CNTN5: variants seen among roughly 807,000 people sequenced by gnomAD.
The protein encoded by CNTN5 is contactin-5.
Under a neutral mutation model 129.1 loss-of-function variants are expected in CNTN5, and 77 were observed. The ratio of observed to expected loss-of-function variants is 0.60; its 90% CI spans 0.50 to 0.72. The LOEUF (loss-of-function observed/expected upper bound fraction) is 0.72. Among genes scored for constraint, CNTN5 ranks in the 30% least tolerant of loss-of-function variants. The pLI is 0.00. For missense variants in CNTN5, 1,478 were observed against 1,328.8 expected (o/e 1.11, Z -1.75); for synonymous variants, 509 against 465.6 (o/e 1.09, Z -1.20).
Position 100,191,150 on chromosome 11 carries a change from T to A in CNTN5, c.1605T>A (p.Ser535Arg). The A allele has an allele frequency of 6.2e-7, 1 of 1,607,116 alleles. No homozygotes were observed. The highest frequency in any genetic ancestry group is 8.5e-7 in the Non-Finnish European group (1 of 1,176,288). The change falls in exon 14 of 25, where the codon AGT (serine) becomes AGA (arginine). Residue 535 changes from serine to arginine, a missense_variant. Physicochemically the swap from Ser to Arg is moderately radical, Grantham distance 110. Coordinates refer to ENST00000524871, the MANE Select transcript of CNTN5 (RefSeq NM_014361.4). ...GAATAGCTATTCTTCCAGACGGGAG[T>A]CTACGGATCCTAAATGCTTCCAAAT... ...NKRIAILPDG[S>R]LRILNASKSD...
At chr11:99,471,866 CTGTT>C (rs768737570) in intron 2 of CNTN5, among the ~76,000 whole-genome samples, 2 of 152,124 alleles carry the variant, frequency 1.3e-5, no homozygotes, top group African/African-American at 4.8e-5. Context: ...AATTATATCT[CTGTT>C]TGTCACAGTA....
chr11:100,121,905 C>T (rs924782287), intron 13 of CNTN5, among the ~76,000 whole-genome samples: 1 of 151,692 alleles, frequency 6.6e-6, no homozygotes, highest in African/African-American at 2.4e-5. Context: ...AAAAGATGAA[C>T]AGGGAAGGGG....
In CNTN5 at chr11:100,301,148, G is replaced by A. The variant is rs545188593; in HGVS notation, c.2620+1752G>A. Reference sequence around the variant, plus strand: ...AAAAGATCTATTTTGAAGTATATGTGTTATTCAGAAAGTACATATTCTTTT... The same window carrying A: ...AAAAGATCTATTTTGAAGTATATGTATTATTCAGAAAGTACATATTCTTTT... On this transcript the variant is annotated intron_variant, in intron 20 of 24. Coordinates refer to ENST00000524871, the MANE Select transcript of CNTN5 (RefSeq NM_014361.4). Among the ~76,000 whole-genome samples the A allele has an allele frequency of 2.0e-5, 3 of 151,688 alleles. No individual in the cohort carries two copies. In the East Asian group the frequency reaches 5.8e-4, roughly 29 times the overall value.
intron 2 of CNTN5, among the ~76,000 whole-genome samples, chr11:99,443,631 GA>G (rs1943933254): frequency 2.0e-5 from 3 of 152,116 alleles, no homozygotes; most frequent in Non-Finnish European, 4.4e-5. Context: ...TAGAGTATAC[GA>G]CTGCTTGTGC....
At chr11:99,896,254 G>T (rs1949202818) in intron 6 of CNTN5, among the ~76,000 whole-genome samples, 1 of 152,098 alleles carries the variant, frequency 6.6e-6, no homozygotes, top group Admixed American at 6.6e-5. Flanking sequence ...AACAGGGCTT[G>T]CTGCCTTTCG....
intron 13 of CNTN5, among the ~76,000 whole-genome samples, chr11:100,150,881 A>G (rs1565290245): frequency 6.6e-6 from 1 of 152,158 alleles, no homozygotes; most frequent in East Asian, 1.9e-4. Context: ...TCTTTGGGAG[A>G]CAATTAGGTT....
At chr11:99,908,427 T>A (rs10501932) in intron 6 of CNTN5, among the ~76,000 whole-genome samples, 146,064 of 152,034 alleles carry the variant, frequency 0.96, 70,341 homozygotes, top group Non-Finnish European at 0.99. Context: ...TCTGTGTATG[T>A]TGTATTTATC....
At chr11:99,294,069 A>T (rs1864283055) in intron 1 of CNTN5, among the ~76,000 whole-genome samples, 1 of 151,764 alleles carries the variant, frequency 6.6e-6, no homozygotes, top group Non-Finnish European at 1.5e-5. Flanking sequence ...TCTTCATAGT[A>T]CTGCTTTTGT....
At chr11:99,245,955 C>T (rs1861793003) in intron 1 of CNTN5, among the ~76,000 whole-genome samples, 1 of 152,110 alleles carries the variant, frequency 6.6e-6, no homozygotes, top group East Asian at 1.9e-4. Flanking sequence ...CCATTGAGAA[C>T]CCACTGATCT....
intron 9 of CNTN5, among the ~76,000 whole-genome samples, chr11:100,029,415 T>A (rs1373883702): frequency 2.0e-5 from 3 of 151,786 alleles, no homozygotes; most frequent in Non-Finnish European, 4.4e-5. Context: ...ACCCCATCTC[T>A]ACTAAAAATA....
At chr11:100,307,524 A>G (rs1951379382) in intron 20 of CNTN5, among the ~76,000 whole-genome samples, 1 of 151,720 alleles carries the variant, frequency 6.6e-6, no homozygotes, top group African/African-American at 2.4e-5. Flanking sequence ...TTCAAAAAAA[A>G]AAAATAGTGT....
At chr11:99,349,491 G>A (rs999173665) in intron 2 of CNTN5, among the ~76,000 whole-genome samples, 10 of 152,012 alleles carry the variant, frequency 6.6e-5, no homozygotes, top group South Asian at 2.1e-4. Flanking sequence ...TAGTCCTTAC[G>A]TTCCCATTGC....
In CNTN5 at chr11:99,190,399, T is replaced by A. The variant is rs530494155; in HGVS notation, c.-209-134947T>A. 3.3e-5 allele frequency among the ~76,000 whole-genome samples: 5 copies of A among 151,828 alleles called. No homozygotes were observed. The South Asian group carries it at 1.0e-3, about 32-fold the overall frequency. ...CTATTTAGGGTCTTTTGTAGTTCTA[T>A]ACAAACTGTAAGATTTTTTTCTATT... On this transcript the variant is annotated intron_variant, in intron 1 of 24. Coordinates refer to ENST00000524871, the MANE Select transcript of CNTN5 (RefSeq NM_014361.4).
At chr11:99,366,371 A>T (rs1223255281) in intron 2 of CNTN5, among the ~76,000 whole-genome samples, 1 of 152,180 alleles carries the variant, frequency 6.6e-6, no homozygotes. Flanking sequence ...GAAATGCTTT[A>T]TTTTAATGTT....
intron 6 of CNTN5, among the ~76,000 whole-genome samples, chr11:99,862,361 C>T (rs1250958567): frequency 4.0e-5 from 1 of 24,916 alleles, no homozygotes; most frequent in African/African-American, 8.5e-5. Context: ...TCGCTTATAA[C>T]AGATGTTTTT....
At chr11:99,608,660 C>A (rs928766785) in intron 3 of CNTN5, among the ~76,000 whole-genome samples, 7 of 152,162 alleles carry the variant, frequency 4.6e-5, no homozygotes, top group Non-Finnish European at 8.8e-5. Context: ...AGATTTTATC[C>A]TCAGAGCCTC....
rs565812263 is a variant in CNTN5, at chr11:99,488,306, G to A, written c.-70-67839G>A. Among the ~76,000 whole-genome samples, 7 of 151,930 alleles carry A rather than the reference G, an allele frequency of 4.6e-5. No homozygotes were observed. In the East Asian group the frequency reaches 7.8e-4, roughly 17 times the overall value. On this transcript the variant is annotated intron_variant, in intron 2 of 24. Coordinates refer to ENST00000524871, the MANE Select transcript of CNTN5 (RefSeq NM_014361.4). ...TCCTGCCTCAGCCTCCTGAGTAGCT[G>A]CAACTATAGGCATGCACCACCATGG...
chr11:99,403,448 G>C (rs1941922732), intron 2 of CNTN5, among the ~76,000 whole-genome samples: 1 of 151,996 alleles, frequency 6.6e-6, no homozygotes, highest in African/African-American at 2.4e-5. Flanking sequence ...TGCATTGGGA[G>C]ATTGTTATTT....
chr11:99,066,971 T>C (rs983043422), intron 1 of CNTN5, among the ~76,000 whole-genome samples: 7 of 152,128 alleles, frequency 4.6e-5, no homozygotes, highest in African/African-American at 1.7e-4. Flanking sequence ...AATCACTTAC[T>C]TCCCTCTCTT....
Sources: allele counts gnomAD v4.1 joint callset (sites outside exome capture counted in the v4.1 genomes callset), GRCh38; gene constraint gnomAD v4.1.1; transcripts MANE v1.5; gene names NCBI Gene and HGNC (gene_info 2026-07-23, HGNC 2026-07-21).